Variants in DNAH12 observed in about 807,000 individuals in gnomAD.
DNAH12 encodes axonemal beta dynein heavy chain 12.
Under a neutral mutation model 371.5 loss-of-function variants are expected in DNAH12, and 285 were observed. The ratio of observed to expected loss-of-function variants is 0.77; its 90% CI spans 0.70 to 0.85. DNAH12 has a LOEUF of 0.85. Ranked by LOEUF, DNAH12 falls within the 40% of genes least tolerant of loss-of-function variation. DNAH12 has a pLI of 0.00. For synonymous variants in DNAH12, 1,200 were observed against 1,213.0 expected, an observed-to-expected ratio of 0.99 and a Z score of 0.22; for missense variants, 3,611 against 3,689.4, an observed-to-expected ratio of 0.98 and a Z score of 0.55.
intron 2 of DNAH12, among the ~76,000 whole-genome samples, chr3:57,537,650 A>C (rs1365586842): frequency 6.6e-6 from 1 of 151,732 alleles, no homozygotes; most frequent in African/African-American, 2.4e-5. Flanking sequence ...AAAAACCTTT[A>C]ATTTTATCAG....
intron 30 of DNAH12, among the ~76,000 whole-genome samples, chr3:57,435,902 G>A (rs2065108390): frequency 6.6e-6 from 1 of 151,870 alleles, no homozygotes. Context: ...TAATGTTTTT[G>A]TAACCCTACC....
chr3:57,321,902 A>C (rs1175768855), intron 65 of DNAH12, among the ~76,000 whole-genome samples: 1 of 152,188 alleles, frequency 6.6e-6, no homozygotes, highest in African/African-American at 2.4e-5. Flanking sequence ...AGCACTATTA[A>C]TATGCTTAAC....
At chr3:57,548,747 A>C (rs1159325491), upstream of DNAH12, 1 of 152,114 alleles carries the variant, frequency 6.6e-6, no homozygotes, top group Admixed American at 6.6e-5. Flanking sequence ...GGAAAGTTTT[A>C]AGACATTTGA....
chr3:57,416,839 A>G (rs927266342), intron 37 of DNAH12, among the ~76,000 whole-genome samples: 5 of 152,210 alleles, frequency 3.3e-5, no homozygotes, highest in African/African-American at 7.2e-5. Context: ...TTTTAAGGGG[A>G]AAAGTAATCA....
At chr3:57,440,355 C>G (rs941691057) in intron 29 of DNAH12, among the ~76,000 whole-genome samples, 1 of 152,128 alleles carries the variant, frequency 6.6e-6, no homozygotes, top group Non-Finnish European at 1.5e-5. Context: ...TAAAAAAGAA[C>G]AAAATCATGT....
intron 59 of DNAH12, among the ~76,000 whole-genome samples, chr3:57,355,794 A>G (rs1358911219): frequency 2.6e-5 from 4 of 152,222 alleles, no homozygotes; most frequent in Admixed American, 2.0e-4. Flanking sequence ...ATCACTCAGC[A>G]GAGGTTATTC....
chr3:57,468,920 T>C lies in DNAH12; in HGVS notation c.2165A>G (p.Glu722Gly), dbSNP rs530453668. The C allele has an allele frequency of 2.0e-6, 3 of 1,521,480 alleles. No homozygotes were observed. The African/African-American group carries it at 4.2e-5, about 22-fold the overall frequency. The allele number at this position is 1,521,480 out of a possible 1,614,324, so 94.2% of individuals were successfully genotyped here. Residue 722 changes from glutamate (E) to glycine (G), a missense_variant, in exon 17 of 74, where the codon GAG becomes GGG. This residue lies in a region of DNAH12 where 1,314 missense variants were observed against 1,398.7 expected (regional missense o/e 0.94). Coordinates refer to ENST00000495027, the MANE Select transcript of DNAH12 (RefSeq NM_001366028.2). ...NGESMEADVE[E>G]FSREIFKTLK... ...TGTCTTAAAAATTTCTCGGGAAAAC[T>C]CTTCCACATCAGCCTCCATGCTTTC... is the stretch of plus-strand genomic sequence containing the variant.
At chr3:57,351,792 C>T (rs946502780) in intron 60 of DNAH12, among the ~76,000 whole-genome samples, 1 of 152,040 alleles carries the variant, frequency 6.6e-6, no homozygotes, top group Non-Finnish European at 1.5e-5. Flanking sequence ...GAAAGGAGTA[C>T]AAGTGCTTCA....
chr3:57,338,952 G>A (rs1187499602), intron 60 of DNAH12, among the ~76,000 whole-genome samples: 1 of 152,214 alleles, frequency 6.6e-6, no homozygotes, highest in Middle Eastern at 3.2e-3. Flanking sequence ...GAAATGTAGG[G>A]AAAAGAAAGA....
chr3:57,389,740 C>G (rs2063569920), intron 45 of DNAH12, among the ~76,000 whole-genome samples: 1 of 148,786 alleles, frequency 6.7e-6, no homozygotes, highest in Admixed American at 6.8e-5. Context: ...AGGCATAAAA[C>G]AATCACTAGC....
At chr3:57,548,097 ATT>A (rs1329535313), upstream of DNAH12, among the ~76,000 whole-genome samples, 1 of 152,208 alleles carries the variant, frequency 6.6e-6, no homozygotes, top group South Asian at 2.1e-4. Flanking sequence ...TGACAAGGAA[ATT>A]TGTTTTTTTC....
chr3:57,431,770 T>C lies in DNAH12; in HGVS notation c.4980+1597A>G, dbSNP rs373633658. Among the ~76,000 whole-genome samples, 13 of 152,346 alleles carry C rather than the reference T, an allele frequency of 8.5e-5. 1 individual carries two copies. In the South Asian group the frequency reaches 1.4e-3, roughly 17 times the overall value. On this transcript the variant is annotated intron_variant, in intron 32 of 73. Coordinates refer to ENST00000495027, the MANE Select transcript of DNAH12 (RefSeq NM_001366028.2). ...TATGGTCTTCCACTCAATCAGGCTC[T>C]CAGTGCTACCCAGAAGTGCTTCTAT...
intron 59 of DNAH12, among the ~76,000 whole-genome samples, chr3:57,353,273 A>G (rs2062724898): frequency 6.6e-6 from 1 of 151,966 alleles, no homozygotes; most frequent in African/African-American, 2.4e-5. Context: ...TGATGTAGCC[A>G]TTCTAAAAAT....
upstream of DNAH12, among the ~76,000 whole-genome samples, chr3:57,547,819 A>C (rs1264522194): frequency 1.3e-5 from 2 of 152,344 alleles, no homozygotes; most frequent in African/African-American, 4.8e-5. Flanking sequence ...TTGATAAATT[A>C]GCAATTTTAA....
At position 57,433,525 on chromosome 3, in the gene DNAH12, G is replaced by A; in HGVS notation, c.4840-18C>T. 6.5e-7 allele frequency: 1 copy of A among 1,542,476 alleles called. No homozygotes were observed. The highest frequency in any genetic ancestry group is 2.4e-5 in the East Asian group (1 of 40,872). The stretch of plus-strand genomic sequence containing the variant: ...TCAGTCCACTGAGGAGGAAAAAAAA[G>A]AATTAAAAAGCTCTCCTCATAAAAT... On this transcript the variant is annotated intron_variant, in intron 31 of 73. Transcript: ENST00000495027.
intron 59 of DNAH12, among the ~76,000 whole-genome samples, chr3:57,355,326 C>T (rs929233731): frequency 1.3e-3 from 202 of 152,046 alleles, no homozygotes; most frequent in African/African-American, 4.4e-3. Context: ...GGTTCATGTA[C>T]TCAAACATAT....
intron 35 of DNAH12, 137 bp from the exon 36 acceptor site, chr3:57,421,843 G>A: frequency 1.2e-6 from 1 of 833,176 alleles, no homozygotes; most frequent in Non-Finnish European, 1.9e-6. Flanking sequence ...AAGTAGAATG[G>A]AGCACTGCTA....
chr3:57,470,955 C>T (rs62258413), intron 15 of DNAH12, among the ~76,000 whole-genome samples: 101,439 of 151,798 alleles, frequency 0.67, 34,139 homozygotes, highest in South Asian at 0.75. Context: ...GATCTGCCCA[C>T]CTCAAACTCC....
intron 30 of DNAH12, 138 bp downstream of exon 30, chr3:57,436,813 C>A: frequency 1.8e-6 from 1 of 566,518 alleles, no homozygotes; most frequent in Non-Finnish European, 3.0e-6. Flanking sequence ...CCTTTTAAGC[C>A]ACTGGGGGGC....
Sources: allele counts gnomAD v4.1 joint callset (sites outside exome capture counted in the v4.1 genomes callset), GRCh38; gene constraint gnomAD v4.1.1; regional missense constraint gnomAD v4.1.1; transcripts MANE v1.5; gene names NCBI Gene and HGNC (gene_info 2026-07-23, HGNC 2026-07-21).